ZNF613: variants seen among roughly 807,000 people sequenced by gnomAD.
The protein encoded by ZNF613 is zinc finger protein 613.
ZNF613 carries 8 observed loss-of-function variants against 14.3 expected under a neutral mutation model. That is an observed-to-expected ratio of 0.56 (90% CI 0.33 to 1.01). The LOEUF (loss-of-function observed/expected upper bound fraction) is 1.01, where lower values mean the gene tolerates loss of function less well. Among genes scored for constraint, ZNF613 ranks in the 50% least tolerant of loss-of-function variants. ZNF613 has a pLI of 0.03. For synonymous variants in ZNF613, 228 were observed against 254.5 expected, an observed-to-expected ratio of 0.90 and a Z score of 0.99; for missense variants, 656 against 741.9, an observed-to-expected ratio of 0.88 and a Z score of 1.35.
In ZNF613 at chr19:51,944,572, A is replaced by C. The variant is rs1375395211; in HGVS notation, c.689A>C (p.Lys230Thr). ...IYHQRVHTGE[K>T]PHGCSICGKA... Reference sequence around the variant, plus strand: ...CATCAGAGAGTTCACACTGGGGAGAAACCTCATGGATGCAGTATATGTGGG... The same window carrying C: ...CATCAGAGAGTTCACACTGGGGAGACACCTCATGGATGCAGTATATGTGGG... Residue 230 changes from lysine to threonine, a missense_variant, in exon 6 of 6, where the codon AAA becomes ACA. Physicochemically the swap from Lys to Thr is moderately conservative, Grantham distance 78. Transcript: ENST00000293471. The C allele has an allele frequency of 6.2e-7, 1 of 1,614,184 alleles. No homozygotes were observed. Among genetic ancestry groups the C allele is most frequent in the East Asian group, 2.2e-5 (1 of 44,892 alleles).
intron 2 of ZNF613, among the ~76,000 whole-genome samples, chr19:51,933,203 A>G (rs2085280637): frequency 6.6e-6 from 1 of 152,174 alleles, no homozygotes; most frequent in Non-Finnish European, 1.5e-5. Flanking sequence ...TATATTCCTC[A>G]GTCTATACGA....
rs950952931 is a variant in ZNF613 at position 51,945,970 on chromosome 19, C to A, written c.*233C>A. The A allele has an allele frequency of 5.7e-6, 3 of 527,146 alleles. No individual in the cohort carries two copies. The highest frequency in any genetic ancestry group is 1.0e-5 in the Non-Finnish European group (3 of 294,476). The allele number at this position is 527,146 out of a possible 1,614,324, so 32.7% of individuals were successfully genotyped here. On this transcript the variant is annotated 3_prime_UTR_variant, in exon 6 of 6. Transcript: ENST00000293471. Reference sequence around the variant, plus strand: ...GACCATAGATCACATCTTCAGTGAGCTTATAGTTGGTAGAAATATAATGAT... The same window carrying A: ...GACCATAGATCACATCTTCAGTGAGATTATAGTTGGTAGAAATATAATGAT...
At chr19:51,939,811 G>A (rs1018598624) in intron 3 of ZNF613, among the ~76,000 whole-genome samples, 4 of 151,604 alleles carry the variant, frequency 2.6e-5, no homozygotes, top group African/African-American at 4.8e-5. Context: ...TTCTGGTAGC[G>A]CACATGAAGA....
chr19:51,930,826 C>A lies in ZNF613; in HGVS notation c.-194+930C>A, dbSNP rs189877543. ...TTGTTGGGTTATATGGTATGTTTAGCCATTTGAGGGACTACCAGACTTTTC... is the reference window on the plus strand; with the variant it reads ...TTGTTGGGTTATATGGTATGTTTAGACATTTGAGGGACTACCAGACTTTTC... On this transcript the variant is annotated intron_variant, in intron 2 of 5. Transcript: ENST00000293471. Among the ~76,000 whole-genome samples the A allele has an allele frequency of 8.5e-5, 13 of 152,100 alleles. No individual in the cohort carries two copies. The East Asian group carries it at 2.3e-3, about 27-fold the overall frequency.
At chr19:51,932,215 T>A (rs1485467232) in intron 2 of ZNF613, among the ~76,000 whole-genome samples, 1 of 151,788 alleles carries the variant, frequency 6.6e-6, no homozygotes, top group Admixed American at 6.6e-5. Flanking sequence ...TCTGTACTCG[T>A]GATAAACAGT....
chr19:51,928,409 T>G (rs1599900226), intron 1 of ZNF613, among the ~76,000 whole-genome samples: 1 of 152,142 alleles, frequency 6.6e-6, no homozygotes, highest in East Asian at 1.9e-4. Flanking sequence ...TCCTGATTGG[T>G]GTGTGTGTTC....
intron 3 of ZNF613, 86 bp from the exon 4 acceptor site, chr19:51,940,123 T>C: frequency 6.5e-7 from 1 of 1,545,846 alleles, no homozygotes; most frequent in Non-Finnish European, 8.9e-7. Flanking sequence ...GACTATTTGG[T>C]AAAAATGAGC....
Position 51,945,677 on chromosome 19 carries a change from T to A in ZNF613, c.1794T>A (p.Ile598=). The A allele has an allele frequency of 6.2e-7, 1 of 1,614,152 alleles. No individual in the cohort carries two copies. The highest frequency in any genetic ancestry group is 1.7e-5 in the Admixed American group (1 of 60,020). Residue 598 remains isoleucine, a synonymous_variant, in exon 6 of 6, where the codon ATT becomes ATA. Coordinates refer to ENST00000293471, the MANE Select transcript of ZNF613 (RefSeq NM_001031721.4). ...TCCAAGCAGAGAGCAAAGTAGCCAT[T>A]GTGAGCCAGCCTGTTGCCAGAAGTT... is the stretch of plus-strand genomic sequence containing the variant. ...SAFQAESKVA[I]VSQPVARSSV... is the part of the protein sequence containing the mutation.
Position 51,936,055 on chromosome 19 carries a change from A to G in ZNF613, c.-166A>G. On this transcript the variant is annotated 5_prime_UTR_variant, in exon 3 of 6. Transcript: ENST00000293471. ...CACAGGTCCTGACTTCAGGAGCAAG[A>G]CACTTCAAGTGAGGTGAGGAGGAGG... The G allele has an allele frequency of 1.7e-6, 1 of 586,238 alleles. No homozygotes were observed. Among genetic ancestry groups the G allele is most frequent in the Non-Finnish European group, 2.9e-6 (1 of 344,734 alleles). The allele number at this position is 586,238 out of a possible 1,614,324, so 36.3% of individuals were successfully genotyped here. A position where few individuals can be genotyped will look rare whatever the true frequency, so the allele number is the denominator to read the frequency against.
chr19:51,940,900 T>A (rs1207861157), intron 5 of ZNF613, among the ~76,000 whole-genome samples, 191 bp downstream of exon 5: 1 of 152,158 alleles, frequency 6.6e-6, no homozygotes, highest in African/African-American at 2.4e-5. Context: ...CGTCTTGGAT[T>A]TCATCACTGT....
rs2122830147 is a variant in ZNF613 at position 51,945,941 on chromosome 19, C to G, written c.*204C>G. 1.7e-6 allele frequency: 1 copy of G among 589,358 alleles called. No individual in the cohort carries two copies. Among genetic ancestry groups the G allele is most frequent in the Admixed American group, 3.0e-5 (1 of 33,176 alleles). The allele number at this position is 589,358 out of a possible 1,614,324, so 36.5% of individuals were successfully genotyped here. On this transcript the variant is annotated 3_prime_UTR_variant, in exon 6 of 6. Transcript: ENST00000293471. Reference sequence around the variant, plus strand: ...TTTATGGGAAGATAGATCTTCTCATCAGTGACCATAGATCACATCTTCAGT... The same window carrying G: ...TTTATGGGAAGATAGATCTTCTCATGAGTGACCATAGATCACATCTTCAGT...
intron 2 of ZNF613, among the ~76,000 whole-genome samples, chr19:51,931,888 G>A (rs1320765342): frequency 6.6e-6 from 1 of 152,128 alleles, no homozygotes; most frequent in Non-Finnish European, 1.5e-5. Context: ...AACAAAGCGG[G>A]GCAAACGAGG....
At chr19:51,944,012 T>C (rs1223838993) in intron 5 of ZNF613, 107 bp from the exon 6 acceptor site, 1 of 838,204 alleles carries the variant, frequency 1.2e-6, no homozygotes, top group Non-Finnish European at 1.7e-6. Flanking sequence ...TGGAGTTTTT[T>C]AAACAGTGGA....
intron 5 of ZNF613, 113 bp downstream of exon 5, chr19:51,940,822 G>A (rs2085343247): frequency 1.6e-6 from 1 of 639,140 alleles, no homozygotes; most frequent in South Asian, 3.4e-5. Context: ...GAGCCTCCAT[G>A]TATCCCTCTC....
At chr19:51,928,499 A>G (rs554709915) in intron 1 of ZNF613, among the ~76,000 whole-genome samples, 1 of 152,160 alleles carries the variant, frequency 6.6e-6, no homozygotes, top group South Asian at 2.1e-4. Context: ...TTGACTTCTC[A>G]CATCTCTCCT....
rs2085391284 is a variant in ZNF613, at chr19:51,945,403, C to G, written c.1520C>G (p.Thr507Arg). The G allele has an allele frequency of 1.9e-6, 3 of 1,613,670 alleles. No homozygotes were observed. The East Asian group carries it at 6.7e-5, about 36-fold the overall frequency. ...SCLNRHRRTH[T>R]GERPYGCSDC... ...CTCAACAGACATCGGAGAACTCATA[C>G]AGGGGAGAGACCGTATGGATGCTCT... Residue 507 changes from threonine to arginine, a missense_variant, in exon 6 of 6, where the codon ACA becomes AGA. Coordinates refer to ENST00000293471, the MANE Select transcript of ZNF613 (RefSeq NM_001031721.4).
At position 51,944,814 on chromosome 19, in the gene ZNF613, A is replaced by G; in HGVS notation, c.931A>G (p.Thr311Ala). The G allele has an allele frequency of 6.2e-7, 1 of 1,613,952 alleles. No individual in the cohort carries two copies. Among genetic ancestry groups the G allele is most frequent in the Non-Finnish European group, 8.5e-7 (1 of 1,180,002 alleles). The change falls in exon 6 of 6, where the codon ACA becomes GCA. Residue 311 changes from threonine to alanine, a missense_variant. By Grantham distance (58) the Thr-to-Ala change is moderately conservative. Transcript: ENST00000293471. ...GCTCATTAATCATCAGAGAGTTCATACAGGAGAGAAACCACATGGATGCAG... is the reference window on the plus strand; with the variant it reads ...GCTCATTAATCATCAGAGAGTTCATGCAGGAGAGAAACCACATGGATGCAG... ...SRLINHQRVH[T>A]GEKPHGCSLC...
intron 3 of ZNF613, among the ~76,000 whole-genome samples, chr19:51,936,673 TG>T (rs1434249838): frequency 6.6e-6 from 1 of 152,048 alleles, no homozygotes; most frequent in Non-Finnish European, 1.5e-5. Context: ...TTTGTAGAGA[TG>T]GGGTTTCACC....
chr19:51,935,204 C>G (rs2085297119), intron 2 of ZNF613, among the ~76,000 whole-genome samples: 1 of 152,188 alleles, frequency 6.6e-6, no homozygotes, highest in Non-Finnish European at 1.5e-5. Flanking sequence ...CTGCTGCTTT[C>G]AGGCCAAGGG....
Sources: gnomAD v4.1 joint callset for allele counts (sites outside exome capture counted in the v4.1 genomes callset) on GRCh38, gnomAD v4.1.1 for gene constraint, MANE v1.5 for transcripts, NCBI Gene and HGNC (gene_info 2026-07-23, HGNC 2026-07-21) for gene names.